The following CAMK2G variants were observed in gnomAD, a reference collection of about 807,000 sequenced individuals.
CAMK2G encodes calcium/calmodulin dependent protein kinase II gamma.
In CAMK2G, 23 loss-of-function variants were observed where a neutral mutation model predicts 88.7. That is an observed-to-expected ratio of 0.26 (90% CI 0.19 to 0.37). CAMK2G has a LOEUF of 0.37. Ranked by LOEUF, CAMK2G falls within the 10% of genes least tolerant of loss-of-function variation. CAMK2G has a pLI of 1.00. For synonymous variants in CAMK2G, 263 were observed against 294.8 expected (o/e 0.89, Z 1.11); for missense variants, 476 against 780.8 (o/e 0.61, Z 4.65).
At chr10:73,828,457 A>G (rs1216306747) in intron 14 of CAMK2G, among the ~76,000 whole-genome samples, 1 of 152,194 alleles carries the variant, frequency 6.6e-6, no homozygotes, top group Non-Finnish European at 1.5e-5. Flanking sequence ...ACAAATTTAC[A>G]GGTCTGGGTT....
At chr10:73,819,674 G>A in intron 18 of CAMK2G, 29 bp from the exon 19 acceptor site, 6 of 1,372,528 alleles carry the variant, frequency 4.4e-6, no homozygotes, top group Non-Finnish European at 6.0e-6. Flanking sequence ...GCAGGGCAGG[G>A]CAAGGCAGAG....
chr10:73,848,536 G>A lies in CAMK2G; in HGVS notation c.591C>T (p.Ile197=), dbSNP rs145050479. 1.2e-6 allele frequency: 2 copies of A among 1,611,292 alleles called. No homozygotes were observed. Among genetic ancestry groups the A allele is most frequent in the South Asian group, 2.2e-5 (2 of 90,658 alleles). ...GTGGAATGGGCTTACCGCAGGCCCA[G>A]ATATCCACAGGTTTTCCATAGGGAT... The part of the protein sequence containing the change: ...RKDPYGKPVD[I]WACGVILYIL... The change falls in exon 8 of 23, where the codon ATC becomes ATT. Residue 197 remains isoleucine, a synonymous_variant. Coordinates refer to ENST00000423381, the MANE Select transcript of CAMK2G (RefSeq NM_001367534.1). The surrounding 1 kb of genome is among the most constrained non-coding windows in gnomAD (Gnocchi z 4.5).
intron 3 of CAMK2G, 123 bp from the exon 4 acceptor site, chr10:73,853,369 GT>G (rs1443247040): frequency 1.2e-6 from 1 of 807,660 alleles, no homozygotes; most frequent in Non-Finnish European, 2.0e-6. Flanking sequence ...AGAAGGAGCA[GT>G]GGGGGGAAGT....
intron 10 of CAMK2G, 163 bp downstream of exon 10, chr10:73,847,062 G>C (rs2094300935): frequency 1.5e-6 from 1 of 649,286 alleles, no homozygotes; most frequent in Non-Finnish European, 2.7e-6. Context: ...AGTCTCCCTG[G>C]TGACATTTAT....
At chr10:73,870,490 C>A (rs914023956) in intron 2 of CAMK2G, among the ~76,000 whole-genome samples, 1 of 152,130 alleles carries the variant, frequency 6.6e-6, no homozygotes, top group African/African-American at 2.4e-5. Context: ...TCGATTGGAC[C>A]CCCCCAGAAG....
intron 14 of CAMK2G, among the ~76,000 whole-genome samples, chr10:73,832,733 C>T (rs2092645617): frequency 6.6e-6 from 1 of 152,012 alleles, no homozygotes; most frequent in East Asian, 1.9e-4. Context: ...AGTAGATTTC[C>T]CATAATTATT....
At chr10:73,822,067 C>T (rs2089059324) in intron 17 of CAMK2G, among the ~76,000 whole-genome samples, 1 of 152,224 alleles carries the variant, frequency 6.6e-6, no homozygotes, top group Non-Finnish European at 1.5e-5. Flanking sequence ...CTCTTCACTT[C>T]CAATGCACAG....
intron 2 of CAMK2G, among the ~76,000 whole-genome samples, chr10:73,864,733 C>T (rs1185813288): frequency 6.6e-6 from 1 of 152,160 alleles, no homozygotes. Context: ...AGCTCCGCCT[C>T]CCAGGTTCAC....
chr10:73,847,154 A>AG, intron 10 of CAMK2G, 71 bp downstream of exon 10: 1 of 1,505,848 alleles, frequency 6.6e-7, no homozygotes, highest in Non-Finnish European at 9.2e-7. Context: ...GGTAAGAAGG[A>AG]GGGGGTGGTG....
At chr10:73,826,529 C>A (rs763964516) in intron 15 of CAMK2G, among the ~76,000 whole-genome samples, 35 of 152,182 alleles carry the variant, frequency 2.3e-4, no homozygotes, top group Non-Finnish European at 5.0e-4. Context: ...GAAGGCTGAT[C>A]TCCAGGGCAG....
chr10:73,874,284 G>T, intron 1 of CAMK2G, 113 bp downstream of exon 1: 1 of 585,938 alleles, frequency 1.7e-6, no homozygotes. Flanking sequence ...AGGCGGGGGT[G>T]GGGCGGCCGA....
intron 14 of CAMK2G, among the ~76,000 whole-genome samples, chr10:73,832,346 G>A (rs2092585368): frequency 6.6e-6 from 1 of 150,964 alleles, no homozygotes; most frequent in South Asian, 2.1e-4. Flanking sequence ...ATCTTGCTCT[G>A]TCACCAGGCT....
At chr10:73,825,560 G>A (rs1432019142) in intron 15 of CAMK2G, among the ~76,000 whole-genome samples, 1 of 152,192 alleles carries the variant, frequency 6.6e-6, no homozygotes, top group Non-Finnish European at 1.5e-5. Flanking sequence ...CACCCTCAAG[G>A]TGGGACCAGC....
intron 12 of CAMK2G, among the ~76,000 whole-genome samples, chr10:73,840,415 G>A (rs2093682652): frequency 6.6e-6 from 1 of 152,168 alleles, no homozygotes; most frequent in African/African-American, 2.4e-5. Context: ...CTTCCTTCTT[G>A]ATTGCATCCA....
At chr10:73,865,774 C>T (rs765272470) in intron 2 of CAMK2G, among the ~76,000 whole-genome samples, 3 of 152,142 alleles carry the variant, frequency 2.0e-5, no homozygotes, top group Non-Finnish European at 4.4e-5. Flanking sequence ...CCTTGAGACA[C>T]CCCTCCTTCC....
In CAMK2G at chr10:73,852,251, T is replaced by C; in HGVS notation, c.341+3A>G. ...CATTTGAACTCTCGGGCCCTCATCC[T>C]ACCTGGCATCTGCTTCACTGTAGTA... is the stretch of plus-strand genomic sequence containing the variant. On this transcript the variant is annotated splice_donor_region_variant and intron_variant, in intron 5 of 22. Transcript: ENST00000423381. 1 of 1,613,104 alleles carries C rather than the reference T, an allele frequency of 6.2e-7. No homozygotes were observed. Among genetic ancestry groups the C allele is most frequent in the Non-Finnish European group, 8.5e-7 (1 of 1,179,052 alleles).
chr10:73,857,084 T>C (rs1230791849), intron 3 of CAMK2G, among the ~76,000 whole-genome samples: 1 of 152,154 alleles, frequency 6.6e-6, no homozygotes, highest in Non-Finnish European at 1.5e-5. Context: ...ACCCCCACCA[T>C]GGGGGCAGGG....
intron 3 of CAMK2G, among the ~76,000 whole-genome samples, chr10:73,857,208 G>C (rs1421892008): frequency 1.3e-5 from 2 of 152,196 alleles, no homozygotes; most frequent in East Asian, 3.9e-4. Context: ...GGTCAGGCTT[G>C]AATAACTTGT....
intron 14 of CAMK2G, among the ~76,000 whole-genome samples, chr10:73,829,856 G>A (rs184815100): frequency 6.6e-5 from 10 of 152,178 alleles, no homozygotes; most frequent in Middle Eastern, 3.4e-3. Flanking sequence ...TACAGGCGAC[G>A]AAAGTTTGCT....
Sources: allele counts gnomAD v4.1 joint callset (sites outside exome capture counted in the v4.1 genomes callset), GRCh38; gene constraint gnomAD v4.1.1; non-coding constraint Gnocchi (gnomAD v3.1); transcripts MANE v1.5; gene names NCBI Gene and HGNC (gene_info 2026-07-23, HGNC 2026-07-21).